The following CDH13 variants were observed in gnomAD, a reference collection of about 807,000 sequenced individuals.
The protein encoded by CDH13 is cadherin-13.
Under a neutral mutation model 63.8 loss-of-function variants are expected in CDH13, and 24 were observed. The observed-to-expected ratio is 0.38, with a 90% CI of 0.27 to 0.53. The LOEUF (loss-of-function observed/expected upper bound fraction) is 0.53, where lower values mean the gene tolerates loss of function less well. Among genes scored for constraint, CDH13 ranks in the 20% least tolerant of loss-of-function variants. The pLI, the probability that CDH13 is intolerant of heterozygous loss-of-function variation, is 0.85. For missense variants in CDH13, 1,049 were observed against 903.1 expected, an observed-to-expected ratio of 1.16 and a Z score of -2.07; for synonymous variants, 503 against 355.3, an observed-to-expected ratio of 1.42 and a Z score of -4.67.
intron 7 of CDH13, among the ~76,000 whole-genome samples, chr16:83,529,304 T>C (rs1359690809): frequency 6.6e-6 from 1 of 152,104 alleles, no homozygotes; most frequent in Non-Finnish European, 1.5e-5. Context: ...TTAACAGGCT[T>C]TGTCTTTTGC....
chr16:82,829,688 G>C (rs749115191), intron 1 of CDH13: 1 of 152,048 alleles, frequency 6.6e-6, no homozygotes, highest in Non-Finnish European at 1.5e-5. Context: ...GAAAGGATTT[G>C]GCTTTGCGTT....
At chr16:82,728,610 C>G (rs2033229486) in intron 1 of CDH13, among the ~76,000 whole-genome samples, 2 of 152,100 alleles carry the variant, frequency 1.3e-5, no homozygotes, top group East Asian at 1.9e-4. Flanking sequence ...GAGTCATAAT[C>G]TTTTTGCTGA....
intron 4 of CDH13, among the ~76,000 whole-genome samples, chr16:83,179,362 G>C (rs1274995195): frequency 6.6e-6 from 1 of 151,872 alleles, no homozygotes; most frequent in Admixed American, 6.6e-5. Context: ...ACAAAAGGGA[G>C]GATGGGCGCG....
intron 2 of CDH13, among the ~76,000 whole-genome samples, chr16:83,014,802 A>ATATATT (rs1275840104): frequency 1.1e-3 from 71 of 65,328 alleles, no homozygotes; most frequent in African/African-American, 4.8e-3. Flanking sequence ...GTATATATAT[A>ATATATT]TGTATATATA....
At chr16:83,321,135 A>G (rs1305319537) in intron 5 of CDH13, among the ~76,000 whole-genome samples, 2 of 152,214 alleles carry the variant, frequency 1.3e-5, no homozygotes, top group Admixed American at 6.5e-5. Flanking sequence ...ATGTCTCACT[A>G]TTTTGAAAAC....
At chr16:83,167,794 A>C (rs2037746511) in intron 4 of CDH13, among the ~76,000 whole-genome samples, 1 of 152,002 alleles carries the variant, frequency 6.6e-6, no homozygotes. Context: ...GCATAGAATC[A>C]ACCTAGGTGC....
At chr16:83,101,863 G>T (rs994327461) in intron 3 of CDH13, among the ~76,000 whole-genome samples, 3 of 152,170 alleles carry the variant, frequency 2.0e-5, no homozygotes. Flanking sequence ...GGAAAGGTCT[G>T]AGGAAAGTGA....
intron 4 of CDH13, among the ~76,000 whole-genome samples, chr16:83,177,508 G>C (rs113498761): frequency 6.6e-6 from 1 of 152,206 alleles, no homozygotes; most frequent in Non-Finnish European, 1.5e-5. Context: ...GATCTTGTAA[G>C]TTGGAGATTG....
chr16:83,073,484 A>G lies in CDH13; in HGVS notation c.366+41266A>G, dbSNP rs116306549. ...AGATGCTGCTGTTTAATAACCTATC[A>G]CAAAAGTTAGGCAGGCATTCACACA... On this transcript the variant is annotated intron_variant, in intron 3 of 13. Transcript: ENST00000567109. 6.7e-3 allele frequency among the ~76,000 whole-genome samples: 1,023 copies of G among 152,082 alleles called. 16 individuals carry two copies. The highest frequency in any genetic ancestry group is 0.022 in the African/African-American group (912 of 41,458).
chr16:83,390,768 G>T (rs1424176), intron 6 of CDH13, among the ~76,000 whole-genome samples: 82,289 of 151,976 alleles, frequency 0.54, 23,881 homozygotes, highest in African/African-American at 0.77. Flanking sequence ...TCACATTGCT[G>T]TTTAATTTTT....
intron 2 of CDH13, among the ~76,000 whole-genome samples, chr16:83,027,266 C>T (rs565927259): frequency 6.6e-6 from 1 of 152,136 alleles, no homozygotes; most frequent in African/African-American, 2.4e-5. Context: ...GAACAAGACT[C>T]AATTTCTGCT....
At chr16:83,621,841 A>G (rs562535073) in intron 8 of CDH13, among the ~76,000 whole-genome samples, 1 of 152,198 alleles carries the variant, frequency 6.6e-6, no homozygotes, top group South Asian at 2.1e-4. Context: ...AGGCCTGGAT[A>G]TAACTACAGC....
chr16:82,687,610 C>T (rs780843187), intron 1 of CDH13, among the ~76,000 whole-genome samples: 1 of 152,122 alleles, frequency 6.6e-6, no homozygotes, highest in Non-Finnish European at 1.5e-5. Context: ...ATCACAAGAA[C>T]AGCATGGGAA....
intron 5 of CDH13, among the ~76,000 whole-genome samples, chr16:83,234,944 C>A (rs899525332): frequency 2.0e-5 from 3 of 152,214 alleles, no homozygotes; most frequent in East Asian, 1.9e-4. Flanking sequence ...CGCCTGTAAT[C>A]CCAGTGCCTT....
chr16:82,686,169 T>C (rs1431172122), intron 1 of CDH13, among the ~76,000 whole-genome samples: 1 of 152,182 alleles, frequency 6.6e-6, no homozygotes. Context: ...AGAGAACATG[T>C]GTTTTGTGTT....
intron 5 of CDH13, among the ~76,000 whole-genome samples, chr16:83,327,568 C>G (rs1597756423): frequency 6.6e-6 from 1 of 152,160 alleles, no homozygotes; most frequent in South Asian, 2.1e-4. Context: ...AGACAAATTC[C>G]TAGTCGTTGA....
In CDH13 at chr16:82,887,170, T is replaced by C. The variant is rs148087059; in HGVS notation, c.157+28697T>C. On this transcript the variant is annotated intron_variant, in intron 2 of 13. Coordinates refer to ENST00000567109, the MANE Select transcript of CDH13 (RefSeq NM_001257.5). ...CAAAGATTTATCTTCACCAATGGTC[T>C]AGGACAGAGGTCGGAAAACTTTTAC... 1.1e-3 allele frequency among the ~76,000 whole-genome samples: 166 copies of C among 152,302 alleles called. 1 individual carries two copies. In the East Asian group the frequency reaches 0.027, roughly 25 times the overall value.
At chr16:83,630,828 A>G (rs1910715061) in intron 8 of CDH13, among the ~76,000 whole-genome samples, 1 of 152,202 alleles carries the variant, frequency 6.6e-6, no homozygotes, top group Admixed American at 6.5e-5. Context: ...GATATTTTCT[A>G]TATTTGTAGC....
chr16:83,044,983 C>T (rs1597212558), intron 3 of CDH13, among the ~76,000 whole-genome samples: 1 of 152,096 alleles, frequency 6.6e-6, no homozygotes, highest in South Asian at 2.1e-4. Flanking sequence ...CTTGTTATTA[C>T]CATAAATCAA....
Sources: allele counts gnomAD v4.1 joint callset (sites outside exome capture counted in the v4.1 genomes callset), GRCh38; gene constraint gnomAD v4.1.1; transcripts MANE v1.5; gene names NCBI Gene and HGNC (gene_info 2026-07-23, HGNC 2026-07-21).